PSD3: variants seen among roughly 807,000 people sequenced by gnomAD.
PSD3 encodes the protein PH and SEC7 domain-containing protein 3.
In PSD3, 49 loss-of-function variants were observed where a neutral mutation model predicts 105.5. The ratio of observed to expected loss-of-function variants is 0.46; its 90% confidence interval spans 0.37 to 0.59. PSD3 has a LOEUF of 0.59. Ranked by LOEUF, PSD3 falls within the 20% of genes least tolerant of loss-of-function variation. The pLI is 0.00. For missense variants in PSD3, 1,561 were observed against 1,263.8 expected (o/e 1.24, Z -3.57); for synonymous variants, 557 against 457.8 (o/e 1.22, Z -2.77).
chr8:18,572,771 A>G (rs2130334914), intron 13 of PSD3, 99 bp from the exon 14 acceptor site: 3 of 1,325,476 alleles, frequency 2.3e-6, no homozygotes, highest in Non-Finnish European at 3.1e-6. Flanking sequence ...GCATGTGAAA[A>G]TCATTTACTC....
chr8:18,558,467 T>C (rs2130169809), intron 14 of PSD3, among the ~76,000 whole-genome samples: 1 of 152,342 alleles, frequency 6.6e-6, no homozygotes, highest in Admixed American at 6.5e-5. Context: ...CCTACACATG[T>C]ACGTGCTCAT....
rs34367897 is a variant in PSD3, at chr8:18,874,725, A to AAG, written c.131-1993_131-1992insCT. On this transcript the variant is annotated intron_variant, in intron 2 of 15. Coordinates refer to ENST00000327040, the MANE Select transcript of PSD3 (RefSeq NM_015310.4). Reference sequence around the variant, plus strand: ...CTCAAAAAAAAAAAAAAAAAAAAAAATTTGATTTCCAAGGTAACTTGGAAA... The same window carrying AAG: ...CTCAAAAAAAAAAAAAAAAAAAAAAAAGTTTGATTTCCAAGGTAACTTGGAAA... 2.7e-5 allele frequency among the ~76,000 whole-genome samples: 4 copies of AAG among 150,610 alleles called. No homozygotes were observed. In the East Asian group the frequency reaches 5.9e-4, roughly 22 times the overall value.
chr8:18,797,113 G>T (rs923762274), intron 8 of PSD3, among the ~76,000 whole-genome samples: 4 of 152,092 alleles, frequency 2.6e-5, no homozygotes, highest in African/African-American at 9.6e-5. Context: ...AAAGATAGAA[G>T]AAACATATTT....
intron 4 of PSD3, among the ~76,000 whole-genome samples, chr8:18,848,741 A>C (rs1390745273): frequency 6.6e-6 from 1 of 152,176 alleles, no homozygotes. Context: ...CTTGTTGCTC[A>C]CAGAGGAGTC....
chr8:18,645,612 T>G (rs192718950), intron 10 of PSD3, among the ~76,000 whole-genome samples: 1 of 152,244 alleles, frequency 6.6e-6, no homozygotes, highest in Non-Finnish European at 1.5e-5. Context: ...AGTACTAACA[T>G]TAGCATTATT....
chr8:18,731,513 A>T (rs1267501895), intron 9 of PSD3, among the ~76,000 whole-genome samples: 2 of 152,198 alleles, frequency 1.3e-5, no homozygotes, highest in African/African-American at 2.4e-5. Flanking sequence ...ATTCTTTTTT[A>T]ATCAACTGTT....
chr8:18,691,973 C>G (rs919897020), intron 9 of PSD3, among the ~76,000 whole-genome samples: 4 of 152,136 alleles, frequency 2.6e-5, no homozygotes, highest in African/African-American at 9.7e-5. Context: ...CTAAAATTAC[C>G]AACATTTCAT....
chr8:18,607,445 G>A (rs1804924782), intron 11 of PSD3, among the ~76,000 whole-genome samples: 1 of 152,122 alleles, frequency 6.6e-6, no homozygotes, highest in Admixed American at 6.5e-5. Flanking sequence ...TCTCACAGAT[G>A]TGGAACCTAT....
In PSD3 at chr8:18,635,680, T is replaced by C. The variant is rs139933054; in HGVS notation, c.2217-2874A>G. 9.1e-3 allele frequency among the ~76,000 whole-genome samples: 1,391 copies of C among 152,166 alleles called. 21 individuals carry two copies. Among genetic ancestry groups the C allele is most frequent in the African/African-American group, 0.032 (1,343 of 41,520 alleles). On this transcript the variant is annotated intron_variant, in intron 10 of 15. Transcript: ENST00000327040. ...CTGGATAAAGAAAATGTGGCACATA[T>C]ACACTATGGAATACTATGGAGTCAT...
intron 15 of PSD3, among the ~76,000 whole-genome samples, chr8:18,543,831 T>C (rs1585206865): frequency 6.6e-6 from 1 of 152,148 alleles, no homozygotes; most frequent in East Asian, 1.9e-4. Context: ...TATCCACACA[T>C]ATATTTACAT....
chr8:18,904,389 G>C (rs1819704393), intron 2 of PSD3, among the ~76,000 whole-genome samples: 1 of 152,186 alleles, frequency 6.6e-6, no homozygotes, highest in Non-Finnish European at 1.5e-5. Flanking sequence ...CTGTGCCCAA[G>C]AAAGCCATGA....
At chr8:19,042,199 A>T (rs1338348958) in intron 1 of PSD3, among the ~76,000 whole-genome samples, 3 of 152,206 alleles carry the variant, frequency 2.0e-5, no homozygotes, top group African/African-American at 7.2e-5. Flanking sequence ...TGCACATATG[A>T]TATTTTGTCC....
intron 1 of PSD3, among the ~76,000 whole-genome samples, chr8:18,967,603 A>T (rs1447692297): frequency 6.6e-6 from 1 of 152,232 alleles, no homozygotes; most frequent in Non-Finnish European, 1.5e-5. Flanking sequence ...GAGCTGGTCC[A>T]CAAAACATCT....
rs189297845 is a variant in PSD3, at chr8:18,529,967, T to C, written c.*5776A>G. ...TATATTTGCAAAAATAGTTTGAGAC[T>C]ATAGAGTTAATTAACAACAACAAAA... On this transcript the variant is annotated 3_prime_UTR_variant, in exon 16 of 16. Coordinates refer to ENST00000327040, the MANE Select transcript of PSD3 (RefSeq NM_015310.4). 2 of 152,464 alleles carry C rather than the reference T, an allele frequency of 1.3e-5. No individual in the cohort carries two copies. The highest frequency in any genetic ancestry group is 2.4e-5 in the African/African-American group (1 of 41,562). The allele number at this position is 152,464 out of a possible 1,614,324, so 9.4% of individuals were successfully genotyped here. A position where few individuals can be genotyped will look rare whatever the true frequency, so the allele number is the denominator to read the frequency against.
At chr8:18,876,551 C>T (rs892756858) in intron 2 of PSD3, among the ~76,000 whole-genome samples, 23 of 152,026 alleles carry the variant, frequency 1.5e-4, no homozygotes, top group African/African-American at 5.3e-4. Flanking sequence ...CACCACCATG[C>T]CCAGCTAATT....
chr8:18,874,658 G>T (rs1817612688), intron 2 of PSD3, among the ~76,000 whole-genome samples: 1 of 137,202 alleles, frequency 7.3e-6, no homozygotes, highest in African/African-American at 2.8e-5. Context: ...AGCCGAGATT[G>T]CACCATTGTA....
Position 18,632,655 on chromosome 8 carries a change from A to G in PSD3, c.2368T>C (p.Phe790Leu), listed in dbSNP as rs1244236813. 13 of 1,612,430 alleles carry G rather than the reference A, an allele frequency of 8.1e-6. No individual in the cohort carries two copies. Among genetic ancestry groups the G allele is most frequent in the Non-Finnish European group, 1.0e-5 (12 of 1,179,092 alleles). ...TCTGCATGAATTTTCCGAGCCAAGA[A>G]TCCACTTTTGTACACAGCAGCATTT... The part of the protein sequence containing the change: ...DPNAAVYKSG[F>L]LARKIHADMD... The change falls in exon 11 of 16, where the codon TTC becomes CTC. Residue 790 changes from phenylalanine (F) to leucine (L), a missense_variant. Physicochemically the swap from Phe to Leu is conservative, Grantham distance 22 (BLOSUM62 0). Coordinates refer to ENST00000327040, the MANE Select transcript of PSD3 (RefSeq NM_015310.4).
chr8:18,701,045 T>C (rs567873204), intron 9 of PSD3, among the ~76,000 whole-genome samples: 1 of 152,228 alleles, frequency 6.6e-6, no homozygotes, highest in East Asian at 1.9e-4. Flanking sequence ...TGGCTCACTG[T>C]AGCCTCAACC....
rs1369831445 is a variant in PSD3 at position 18,655,799 on chromosome 8, T to A, written c.2173-114A>T. The A allele has an allele frequency of 3.2e-6, 3 of 946,404 alleles. No individual in the cohort carries two copies. The African/African-American group carries it at 4.9e-5, about 15-fold the overall frequency. The allele number at this position is 946,404 out of a possible 1,614,324, so 58.6% of individuals were successfully genotyped here. ...AAGGATAGGCACGAAGCCCCCCTTG[T>A]CAGTCACCTTGCTTTTAGAAAGGTG... On this transcript the variant is annotated intron_variant, in intron 9 of 15. Transcript: ENST00000327040.
Sources: gnomAD v4.1 joint callset for allele counts (sites outside exome capture counted in the v4.1 genomes callset) on GRCh38, gnomAD v4.1.1 for gene constraint, MANE v1.5 for transcripts, NCBI Gene and HGNC (gene_info 2026-07-23, HGNC 2026-07-21) for gene names.